Variants in CCDC18 observed in about 807,000 individuals in gnomAD.
CCDC18 encodes the protein coiled-coil domain-containing protein 18.
CCDC18 carries 157 observed loss-of-function variants against 196.0 expected under a neutral mutation model. The ratio of observed to expected loss-of-function variants is 0.80; its 90% CI spans 0.70 to 0.91. The LOEUF (loss-of-function observed/expected upper bound fraction) is 0.91, where lower values mean the gene tolerates loss of function less well. CCDC18 is among the 40% of genes least tolerant of loss of function. The pLI is 0.00. For missense variants in CCDC18, 1,465 were observed against 1,611.6 expected, an observed-to-expected ratio of 0.91 and a Z score of 1.56; for synonymous variants, 482 against 529.2, an observed-to-expected ratio of 0.91 and a Z score of 1.22.
In CCDC18 at chr1:93,270,729, C is replaced by A. The variant is rs952311946; in HGVS notation, c.4268C>A (p.Thr1423Lys). Residue 1423 changes from threonine (T) to lysine (K), a missense_variant, in exon 28 of 29, where the codon ACG becomes AAG. Physicochemically the swap from Thr to Lys is moderately conservative, Grantham distance 78. Transcript: ENST00000690025. ...ADSSENNDFNTLSGMLRYINK... is the reference protein window; with the variant it reads ...ADSSENNDFNKLSGMLRYINK... ...AGTTCTGAGAATAATGACTTTAACA[C>A]GCTTAGTGGGATGCTAAGATACATA... The A allele has an allele frequency of 1.3e-6, 2 of 1,550,026 alleles. No individual in the cohort carries two copies. Among genetic ancestry groups the A allele is most frequent in the East Asian group, 2.4e-5 (1 of 40,864 alleles).
chr1:93,214,910 CTGA>C lies in CCDC18; in HGVS notation c.1665_1667del (p.Ile556del). 6.2e-7 allele frequency: 1 copy of C among 1,612,076 alleles called. No individual in the cohort carries two copies. Among genetic ancestry groups the C allele is most frequent in the South Asian group, 1.1e-5 (1 of 90,800 alleles). Reference sequence around the variant, plus strand: ...GGCTCACAGAACTAGTCAGTTTCAGCTGATTCAAGAGGAGCTGCTAGAGAAAGC... The same window carrying C: ...GGCTCACAGAACTAGTCAGTTTCAGCTTCAAGAGGAGCTGCTAGAGAAAGC... On this transcript the variant is annotated inframe_deletion, in exon 12 of 29. Transcript: ENST00000690025.
chr1:93,207,083 A>G, intron 8 of CCDC18, 24 bp from the exon 9 acceptor site: 1 of 1,285,440 alleles, frequency 7.8e-7, no homozygotes, highest in Admixed American at 2.5e-5. Flanking sequence ...TTTTATTTTC[A>G]TTTTTATTCT....
intron 23 of CCDC18, among the ~76,000 whole-genome samples, chr1:93,248,032 T>TTTC (rs1557686508): frequency 2.1e-5 from 3 of 146,106 alleles, no homozygotes; most frequent in Admixed American, 1.4e-4. Context: ...TTTTTTTTTT[T>TTTC]TGAGATGGAG....
intron 14 of CCDC18, 96 bp from the exon 15 acceptor site, chr1:93,221,512 TC>T: frequency 3.6e-6 from 3 of 842,086 alleles, no homozygotes; most frequent in Non-Finnish European, 3.4e-6. Context: ...AATACAAAAA[TC>T]TATGTAATTT....
Position 93,183,399 on chromosome 1 carries a change from A to G in CCDC18, c.38A>G (p.Asn13Ser). The G allele has an allele frequency of 6.2e-7, 1 of 1,602,126 alleles. No homozygotes were observed. The highest frequency in any genetic ancestry group is 8.5e-7 in the Non-Finnish European group (1 of 1,171,602). The change falls in exon 2 of 29, where the codon AAT becomes AGT. Residue 13 changes from asparagine to serine, a missense_variant. By Grantham distance (46) the Asn-to-Ser change is conservative. Transcript: ENST00000690025. ...TCATCAGACTACTATAATAAAGACA[A>G]TGAAGAGGAAAGTTTGCTTGCAAAT... ...SSSSDYYNKD[N>S]EEESLLANVA...
intron 23 of CCDC18, among the ~76,000 whole-genome samples, chr1:93,247,664 C>G (rs1056438832): frequency 1.3e-5 from 2 of 152,132 alleles, no homozygotes; most frequent in Admixed American, 1.3e-4. Context: ...GATCTTCCCC[C>G]CTCAGCTTCC....
chr1:93,186,563 T>C, intron 4 of CCDC18, 60 bp downstream of exon 4: 1 of 1,385,978 alleles, frequency 7.2e-7, no homozygotes, highest in Non-Finnish European at 9.9e-7. Flanking sequence ...GATTTATAAT[T>C]GGAAAAATAT....
At chr1:93,193,487 AT>A in intron 5 of CCDC18, 128 bp from the exon 6 acceptor site, 1 of 555,574 alleles carries the variant, frequency 1.8e-6, no homozygotes, top group Non-Finnish European at 2.9e-6. Flanking sequence ...CTTTTTCTCT[AT>A]CTCTTTTTGT....
chr1:93,276,447 A>G (rs1007908470), intron 28 of CCDC18, among the ~76,000 whole-genome samples: 2 of 152,242 alleles, frequency 1.3e-5, no homozygotes, highest in Non-Finnish European at 2.9e-5. Context: ...ATACTGATTA[A>G]TTAGCTAATT....
At chr1:93,264,923 A>G (rs921760272) in intron 27 of CCDC18, 22 bp downstream of exon 27, 1 of 1,480,284 alleles carries the variant, frequency 6.8e-7, no homozygotes, top group African/African-American at 1.4e-5. Context: ...TATAAAAGTA[A>G]TAAAGCATAT....
chr1:93,261,302 AT>A (rs1212984159), intron 26 of CCDC18, among the ~76,000 whole-genome samples: 1 of 152,146 alleles, frequency 6.6e-6, no homozygotes, highest in Non-Finnish European at 1.5e-5. Context: ...AAATTTAAAT[AT>A]ATTTAAAAAT....
chr1:93,225,014 C>T (rs1004872775), intron 16 of CCDC18, among the ~76,000 whole-genome samples: 8 of 152,306 alleles, frequency 5.3e-5, no homozygotes, highest in Admixed American at 3.3e-4. Context: ...TGTTCAAAAA[C>T]TGTGTATCTT....
In CCDC18 at chr1:93,221,571, T is replaced by A. The variant is rs575364620; in HGVS notation, c.1963-38T>A. On this transcript the variant is annotated intron_variant, in intron 14 of 28. Coordinates refer to ENST00000690025, the MANE Select transcript of CCDC18 (RefSeq NM_001378204.1). Reference sequence around the variant, plus strand: ...TAATATTTAAAATGTTTCAAAATTTTAAAATATTTAATATGAAAATTCTGT... The same window carrying A: ...TAATATTTAAAATGTTTCAAAATTTAAAAATATTTAATATGAAAATTCTGT... 53 of 1,356,306 alleles carry A rather than the reference T, an allele frequency of 3.9e-5. No individual in the cohort carries two copies. The South Asian group carries it at 8.6e-4, about 22-fold the overall frequency. The allele number at this position is 1,356,306 out of a possible 1,614,324, so 84.0% of individuals were successfully genotyped here.
chr1:93,215,451 T>C (rs1386671275), intron 12 of CCDC18, among the ~76,000 whole-genome samples: 1 of 145,420 alleles, frequency 6.9e-6, no homozygotes, highest in African/African-American at 2.8e-5. Flanking sequence ...TTTCTTTTCT[T>C]TTTCTTTTTT....
chr1:93,237,861 C>G (rs965238132), intron 19 of CCDC18, among the ~76,000 whole-genome samples: 3 of 152,136 alleles, frequency 2.0e-5, no homozygotes, highest in Non-Finnish European at 2.9e-5. Context: ...CATACCTCAG[C>G]CACTTACTCC....
intron 3 of CCDC18, 151 bp from the exon 4 acceptor site, chr1:93,186,194 A>ACATATCCTTGT: frequency 2.9e-6 from 2 of 679,366 alleles, no homozygotes; most frequent in Non-Finnish European, 5.0e-6. Context: ...TGATTGTTCC[A>ACATATCCTTGT]CATATCCTTG....
At chr1:93,276,516 GT>G (rs1665628654) in intron 28 of CCDC18, among the ~76,000 whole-genome samples, 1 of 151,986 alleles carries the variant, frequency 6.6e-6, no homozygotes, top group Admixed American at 6.6e-5. Flanking sequence ...TTTGTAAGTA[GT>G]TTTCAAGATA....
In CCDC18 at chr1:93,256,471, A is replaced by G. The variant is rs1662974193; in HGVS notation, c.3479A>G (p.Gln1160Arg). Residue 1160 changes from glutamine to arginine, a missense_variant, in exon 25 of 29, where the codon CAA becomes CGA. Transcript: ENST00000690025. The stretch of plus-strand genomic sequence containing the variant: ...GCAGAGGCTCGTCATCAGCAAGTCC[A>G]AGCACAGAGAGAAATAGAAAGGCTC... Reference protein sequence around the residue: ...ELAEARHQQVQAQREIERLSS... With the variant: ...ELAEARHQQVRAQREIERLSS... 6.2e-7 allele frequency: 1 copy of G among 1,614,002 alleles called. No individual in the cohort carries two copies. Among genetic ancestry groups the G allele is most frequent in the African/African-American group, 1.3e-5 (1 of 74,932 alleles).
intron 13 of CCDC18, 26 bp from the exon 14 acceptor site, chr1:93,217,712 T>A (rs1439171774): frequency 6.4e-7 from 1 of 1,572,368 alleles, no homozygotes; most frequent in Non-Finnish European, 8.6e-7. Flanking sequence ...TCAATTATAC[T>A]CCTTTAAAGT....
Sources: gnomAD v4.1 joint callset for allele counts (sites outside exome capture counted in the v4.1 genomes callset) on GRCh38, gnomAD v4.1.1 for gene constraint, MANE v1.5 for transcripts, NCBI Gene and HGNC (gene_info 2026-07-23, HGNC 2026-07-21) for gene names.